Variants in PTPRD observed in about 807,000 individuals in gnomAD.
PTPRD encodes receptor-type tyrosine-protein phosphatase delta.
In PTPRD, 34 loss-of-function variants were observed where a neutral mutation model predicts 214.5. The observed-to-expected ratio is 0.16, with a 90% CI of 0.12 to 0.21. PTPRD has a LOEUF of 0.21. Ranked by LOEUF, PTPRD falls within the 10% of genes least tolerant of loss-of-function variation. The pLI is 1.00. For missense variants in PTPRD, 2,545 were observed against 2,398.7 expected (o/e 1.06, Z -1.27); for synonymous variants, 1,128 against 845.7 (o/e 1.33, Z -5.79).
intron 3 of PTPRD, among the ~76,000 whole-genome samples, chr9:10,217,954 G>A (rs1030988513): frequency 6.6e-6 from 1 of 151,878 alleles, no homozygotes; most frequent in Admixed American, 6.6e-5. Context: ...TATGTTTAAA[G>A]GCCTATGACA....
At chr9:8,643,175 A>C (rs2096614067) in intron 12 of PTPRD, among the ~76,000 whole-genome samples, 1 of 152,218 alleles carries the variant, frequency 6.6e-6, no homozygotes, top group Non-Finnish European at 1.5e-5. Context: ...TGATTTAAGA[A>C]GCATTATACT....
At chr9:10,334,437 CA>C (rs2096807187) in intron 3 of PTPRD, among the ~76,000 whole-genome samples, 1 of 151,232 alleles carries the variant, frequency 6.6e-6, no homozygotes, top group Non-Finnish European at 1.5e-5. Context: ...CCCCCACCAC[CA>C]AAAAATATAA....
intron 8 of PTPRD, among the ~76,000 whole-genome samples, chr9:9,477,565 T>C (rs960357137): frequency 1.3e-5 from 2 of 152,210 alleles, no homozygotes; most frequent in African/African-American, 4.8e-5. Context: ...GATATGAGGC[T>C]GGTGTTTTTT....
At chr9:9,654,447 T>A (rs1023545927) in intron 7 of PTPRD, among the ~76,000 whole-genome samples, 3 of 152,126 alleles carry the variant, frequency 2.0e-5, no homozygotes, top group African/African-American at 7.2e-5. Flanking sequence ...TGTGCACATG[T>A]ATACACACAC....
In PTPRD at chr9:10,239,481, A is replaced by T. The variant is rs868538121; in HGVS notation, c.-545+101482T>A. Among the ~76,000 whole-genome samples the T allele has an allele frequency of 1.3e-4, 20 of 152,034 alleles. No individual in the cohort carries two copies. In the South Asian group the frequency reaches 2.9e-3, roughly 22 times the overall value. On this transcript the variant is annotated intron_variant, in intron 3 of 45. Coordinates refer to ENST00000381196, the MANE Select transcript of PTPRD (RefSeq NM_002839.4). ...TACTCACCCTTTATTTCTGCTTTTC[A>T]TTTTAAGTGGGGGATTTGTACTAAT...
intron 3 of PTPRD, among the ~76,000 whole-genome samples, chr9:10,241,998 G>A (rs924163172): frequency 6.6e-6 from 1 of 151,846 alleles, no homozygotes; most frequent in African/African-American, 2.4e-5. Flanking sequence ...TAAACAACAC[G>A]CTGTTTTCAT....
chr9:9,526,491 T>A lies in PTPRD; in HGVS notation c.-237+48241A>T, dbSNP rs570571965. Among the ~76,000 whole-genome samples the A allele has an allele frequency of 1.1e-4, 17 of 152,304 alleles. 1 individual carries two copies. Among genetic ancestry groups the A allele is most frequent in the Admixed American group, 1.1e-3 (17 of 15,302 alleles). On this transcript the variant is annotated intron_variant, in intron 8 of 45. Coordinates refer to ENST00000381196, the MANE Select transcript of PTPRD (RefSeq NM_002839.4). The stretch of plus-strand genomic sequence containing the variant: ...CATAAATAAAATTACTACGAGTCTA[T>A]GTAAGATATTTAAAAATACAGACTA...
At position 10,449,454 on chromosome 9, in the gene PTPRD, C is replaced by T. The variant is rs1370933125; in HGVS notation, c.-599-108437G>A. Among the ~76,000 whole-genome samples the T allele has an allele frequency of 8.6e-5, 13 of 151,718 alleles. 1 individual carries two copies. Among genetic ancestry groups the T allele is most frequent in the African/African-American group, 2.2e-4 (9 of 41,012 alleles). ...TACCAAGATGGCAGCCTCCGCCCGG[C>T]GGCCACCCCGTCTGGGAAGTGAGGA... On this transcript the variant is annotated intron_variant, in intron 2 of 45. Transcript: ENST00000381196.
intron 14 of PTPRD, among the ~76,000 whole-genome samples, chr9:8,574,021 G>A (rs573498227): frequency 6.6e-6 from 1 of 151,888 alleles, no homozygotes; most frequent in African/African-American, 2.4e-5. Flanking sequence ...CAGTTCCAGG[G>A]ACTTTCTGGT....
intron 8 of PTPRD, among the ~76,000 whole-genome samples, chr9:9,527,009 T>C (rs944352457): frequency 6.6e-6 from 1 of 152,136 alleles, no homozygotes. Context: ...CCTTATTATT[T>C]TTACCTTGCC....
intron 3 of PTPRD, among the ~76,000 whole-genome samples, chr9:10,256,747 C>G (rs2093313476): frequency 1.3e-5 from 2 of 152,160 alleles, no homozygotes; most frequent in African/African-American, 4.8e-5. Flanking sequence ...ACCTGCTTCT[C>G]TAGGCTCAGT....
chr9:10,513,716 A>G (rs1371851196), intron 2 of PTPRD, among the ~76,000 whole-genome samples: 1 of 152,166 alleles, frequency 6.6e-6, no homozygotes, highest in Non-Finnish European at 1.5e-5. Context: ...CTGATTTGCC[A>G]AGTCTCTATC....
At chr9:10,387,654 G>T (rs1312745649) in intron 2 of PTPRD, among the ~76,000 whole-genome samples, 1 of 151,588 alleles carries the variant, frequency 6.6e-6, no homozygotes, top group Admixed American at 6.6e-5. Flanking sequence ...TTGTGTCATT[G>T]TACAATTCAC....
At chr9:10,586,366 T>C (rs1391721196) in intron 2 of PTPRD, among the ~76,000 whole-genome samples, 1 of 152,018 alleles carries the variant, frequency 6.6e-6, no homozygotes. Flanking sequence ...TAGACTGGTA[T>C]CATGCCAACT....
At chr9:9,998,225 G>T (rs553130914) in intron 4 of PTPRD, among the ~76,000 whole-genome samples, 5 of 150,592 alleles carry the variant, frequency 3.3e-5, no homozygotes, top group African/African-American at 1.2e-4. Flanking sequence ...AAGACCACTG[G>T]AGACAGAACT....
At chr9:10,198,767 T>G (rs1055067230) in intron 3 of PTPRD, among the ~76,000 whole-genome samples, 1 of 152,100 alleles carries the variant, frequency 6.6e-6, no homozygotes, top group Non-Finnish European at 1.5e-5. Flanking sequence ...AATCCATTAT[T>G]CCCAGTGATA....
At chr9:9,424,415 G>A (rs922782548) in intron 8 of PTPRD, among the ~76,000 whole-genome samples, 1 of 152,192 alleles carries the variant, frequency 6.6e-6, no homozygotes, top group Non-Finnish European at 1.5e-5. Context: ...CTGGTTGAAG[G>A]TGAAGTGCTG....
intron 7 of PTPRD, among the ~76,000 whole-genome samples, chr9:9,586,823 T>C (rs886995324): frequency 6.6e-6 from 1 of 151,994 alleles, no homozygotes; most frequent in Non-Finnish European, 1.5e-5. Context: ...ATTTCTACAA[T>C]CTCTGATTTT....
intron 39 of PTPRD, among the ~76,000 whole-genome samples, chr9:8,365,381 C>T (rs892633580): frequency 4.6e-5 from 7 of 152,048 alleles, no homozygotes; most frequent in Non-Finnish European, 1.0e-4. Flanking sequence ...AATATTTTAC[C>T]AGAAGTAATC....
Sources: gnomAD v4.1 joint callset for allele counts (sites outside exome capture counted in the v4.1 genomes callset) on GRCh38, gnomAD v4.1.1 for gene constraint, MANE v1.5 for transcripts, NCBI Gene and HGNC (gene_info 2026-07-23, HGNC 2026-07-21) for gene names.